Variants in FRMD8 observed in about 807,000 individuals in gnomAD.
FRMD8 encodes FERM domain containing 8.
Under a neutral mutation model 54.2 loss-of-function variants are expected in FRMD8, and 37 were observed. The observed-to-expected ratio is 0.68, with a 90% CI of 0.53 to 0.90. The LOEUF is 0.90. Among genes scored for constraint, FRMD8 ranks in the 40% least tolerant of loss-of-function variants. The probability of loss-of-function intolerance (pLI) is 0.00; values close to 1 mark genes in which losing one functional copy is unlikely to be tolerated. For synonymous variants in FRMD8, 246 were observed against 286.9 expected, an observed-to-expected ratio of 0.86 and a Z score of 1.44; for missense variants, 585 against 653.7, an observed-to-expected ratio of 0.89 and a Z score of 1.15.
intron 10 of FRMD8, among the ~76,000 whole-genome samples, chr11:65,405,308 C>T (rs1483273461): frequency 6.6e-6 from 1 of 152,244 alleles, no homozygotes; most frequent in Non-Finnish European, 1.5e-5. Context: ...ATCCGGGAAA[C>T]GACTCAACAT....
chr11:65,399,452 C>T (rs982085733), intron 7 of FRMD8, among the ~76,000 whole-genome samples: 2 of 152,202 alleles, frequency 1.3e-5, no homozygotes, highest in Admixed American at 6.5e-5. Flanking sequence ...GCCAAACCCA[C>T]GACTGGCTTT....
At chr11:65,379,967 G>A in the FRMD8 span, 2 of 1,613,640 alleles carry the variant, frequency 1.2e-6, no homozygotes, top group Non-Finnish European at 1.7e-6. Flanking sequence ...CAGGTAGGGT[G>A]GCGGGATGGG....
chr11:65,396,609 C>T (rs986422636), intron 6 of FRMD8, among the ~76,000 whole-genome samples, 190 bp from the exon 7 acceptor site: 3 of 152,162 alleles, frequency 2.0e-5, no homozygotes, highest in Non-Finnish European at 2.9e-5. Flanking sequence ...GTCTGCCCTT[C>T]GGAGGGGGGC....
intron 6 of FRMD8, 142 bp from the exon 7 acceptor site, chr11:65,396,657 C>A: frequency 1.9e-6 from 1 of 530,366 alleles, no homozygotes; most frequent in Non-Finnish European, 3.2e-6. Context: ...CCTGGGTCTC[C>A]CCTTGTGGGC....
upstream of FRMD8, among the ~76,000 whole-genome samples, chr11:65,384,475 CA>C (rs1261630517): frequency 6.6e-6 from 1 of 152,000 alleles, no homozygotes; most frequent in African/African-American, 2.4e-5. Flanking sequence ...TGACATAAAA[CA>C]GAGATGTGAT....
the FRMD8 span, chr11:65,379,576 A>G: frequency 6.3e-7 from 1 of 1,596,476 alleles, no homozygotes; most frequent in Non-Finnish European, 8.6e-7. Flanking sequence ...AGAGAGACAC[A>G]GTGGCAGCGG....
At chr11:65,396,579 G>A (rs994456923) in intron 6 of FRMD8, among the ~76,000 whole-genome samples, 1 of 152,190 alleles carries the variant, frequency 6.6e-6, no homozygotes, top group Non-Finnish European at 1.5e-5. Context: ...CTCGGCAGAA[G>A]CAGACAGGCT....
intron 3 of FRMD8, 127 bp from the exon 4 acceptor site, chr11:65,393,446 G>A: frequency 1.5e-6 from 1 of 674,970 alleles, no homozygotes; most frequent in Non-Finnish European, 2.6e-6. Flanking sequence ...AAATGGCTCT[G>A]GACCCTTGGC....
intron 3 of FRMD8, among the ~76,000 whole-genome samples, chr11:65,390,401 A>G (rs1472421072): frequency 6.6e-6 from 1 of 152,114 alleles, no homozygotes; most frequent in Non-Finnish European, 1.5e-5. Flanking sequence ...AGAGGAATGC[A>G]GGCAAGAAGA....
chr11:65,397,751 A>G (rs873428), intron 7 of FRMD8, among the ~76,000 whole-genome samples: 328 of 152,178 alleles, frequency 2.2e-3, no homozygotes, highest in Non-Finnish European at 4.1e-3. Context: ...TTGCTCTGTC[A>G]CTCAGGCTGG....
At chr11:65,403,261 C>G (rs1008626420) in intron 9 of FRMD8, among the ~76,000 whole-genome samples, 1 of 152,186 alleles carries the variant, frequency 6.6e-6, no homozygotes, top group African/African-American at 2.4e-5. Flanking sequence ...CAGCTCACTG[C>G]AACCTCCGCC....
In FRMD8 at chr11:65,410,148, G is replaced by A. The variant is rs1004102567; in HGVS notation, c.1277-1094G>A. ...TGGGAGGTCAAGGCAGGTGGATCACGAAGTCAGGAGTTTGAGACTAGCCTG... is the reference window on the plus strand; with the variant it reads ...TGGGAGGTCAAGGCAGGTGGATCACAAAGTCAGGAGTTTGAGACTAGCCTG... On this transcript the variant is annotated intron_variant, in intron 10 of 10. Transcript: ENST00000317568. Among the ~76,000 whole-genome samples, 11 of 151,998 alleles carry A rather than the reference G, an allele frequency of 7.2e-5. No homozygotes were observed. In the East Asian group the frequency reaches 7.7e-4, roughly 11 times the overall value.
chr11:65,407,934 T>A (rs902619186), intron 10 of FRMD8, among the ~76,000 whole-genome samples: 2 of 150,676 alleles, frequency 1.3e-5, no homozygotes, highest in African/African-American at 4.9e-5. Flanking sequence ...TGTGCAGCCA[T>A]GCGCATGAGG....
chr11:65,389,262 G>T, intron 2 of FRMD8, 99 bp from the exon 3 acceptor site: 5 of 1,185,038 alleles, frequency 4.2e-6, no homozygotes, highest in African/African-American at 1.5e-5. Flanking sequence ...GTGTAGGGTG[G>T]GGGCTCCAGC....
chr11:65,401,332 A>T (rs984159887), intron 9 of FRMD8, among the ~76,000 whole-genome samples: 17 of 103,980 alleles, frequency 1.6e-4, no homozygotes, highest in African/African-American at 5.4e-4. Context: ...CTCCCTCCCC[A>T]GCCTCCCTCC....
chr11:65,386,894 G>A (rs147615111), intron 1 of FRMD8, 133 bp downstream of exon 1: 18,166 of 716,118 alleles, frequency 0.025, 333 homozygotes, highest in Non-Finnish European at 0.031. Context: ...CGCCCGGTCT[G>A]CACTCTTGGC....
intron 6 of FRMD8, among the ~76,000 whole-genome samples, chr11:65,396,128 C>T (rs1157235516): frequency 1.3e-5 from 2 of 152,160 alleles, no homozygotes; most frequent in East Asian, 1.9e-4. Context: ...TCTTTCCCTT[C>T]GGCTCCTATG....
chr11:65,397,106 T>A, intron 7 of FRMD8, 86 bp downstream of exon 7: 1 of 714,762 alleles, frequency 1.4e-6, no homozygotes, highest in Non-Finnish European at 2.2e-6. Flanking sequence ...AGCCCACCTC[T>A]GCTCCAGCTG....
chr11:65,401,004 A>ACCCCTTGTGC, intron 9 of FRMD8, 137 bp downstream of exon 9: 1 of 998,332 alleles, frequency 1.0e-6, no homozygotes, highest in Non-Finnish European at 1.4e-6. Flanking sequence ...CGGCCTGGGC[A>ACCCCTTGTGC]CAAGGGGTGC....
Sources: gnomAD v4.1 joint callset for allele counts (sites outside exome capture counted in the v4.1 genomes callset) on GRCh38, gnomAD v4.1.1 for gene constraint, MANE v1.5 for transcripts, NCBI Gene and HGNC (gene_info 2026-07-23, HGNC 2026-07-21) for gene names.